Variants in GRK5 observed in about 807,000 individuals in gnomAD.
GRK5 encodes the protein g protein-coupled receptor kinase GRK5.
Under a neutral mutation model 78.4 loss-of-function variants are expected in GRK5, and 40 were observed. The ratio of observed to expected loss-of-function variants is 0.51; its 90% CI spans 0.40 to 0.66. GRK5 has a LOEUF of 0.66. Ranked by LOEUF, GRK5 falls within the 30% of genes least tolerant of loss-of-function variation. The pLI is 0.00. For missense variants in GRK5, 598 were observed against 759.9 expected, an observed-to-expected ratio of 0.79 and a Z score of 2.50; for synonymous variants, 289 against 296.8, an observed-to-expected ratio of 0.97 and a Z score of 0.27.
At position 119,442,066 on chromosome 10, in the gene GRK5, G is replaced by C. The variant is rs761732854; in HGVS notation, c.1035G>C (p.Arg345=). Residue 345 remains arginine, a synonymous_variant, in exon 11 of 16, where the codon CGG becomes CGC. Coordinates refer to ENST00000392870, the MANE Select transcript of GRK5 (RefSeq NM_005308.3). Reference sequence around the variant, plus strand: ...CCGAGGGAGACCTGATCCGCGGCCGGGTGGGCACTGTTGGCTACATGGGTG... The same window carrying C: ...CCGAGGGAGACCTGATCCGCGGCCGCGTGGGCACTGTTGGCTACATGGGTG... ...KIPEGDLIRG[R]VGTVGYMAPE... 5 of 1,613,848 alleles carry C rather than the reference G, an allele frequency of 3.1e-6. No homozygotes were observed. In the East Asian group the frequency reaches 6.7e-5, roughly 22 times the overall value.
rs981538372 is a variant in GRK5 at position 119,238,993 on chromosome 10, T to C, written c.52+31024T>C. 1.3e-5 allele frequency among the ~76,000 whole-genome samples: 2 copies of C among 152,056 alleles called. No individual in the cohort carries two copies. Among genetic ancestry groups the C allele is most frequent in the African/African-American group, 4.8e-5 (2 of 41,432 alleles). On this transcript the variant is annotated intron_variant, in intron 1 of 15. Transcript: ENST00000392870. The surrounding 1 kb of genome is among the most constrained non-coding windows in gnomAD (Gnocchi z 4.7). ...GTGATTTTTCATTTAATTATATATA[T>C]AGTTTTCTTTTTTGTAATCTAAATG...
At chr10:119,302,530 A>G (rs1850201474) in intron 1 of GRK5, among the ~76,000 whole-genome samples, 1 of 152,142 alleles carries the variant, frequency 6.6e-6, no homozygotes, top group African/African-American at 2.4e-5. Flanking sequence ...AGGGTGGAGG[A>G]TGGGGCTGGG....
intron 2 of GRK5, among the ~76,000 whole-genome samples, chr10:119,359,073 C>G (rs1023537403): frequency 5.9e-5 from 9 of 152,184 alleles, no homozygotes; most frequent in African/African-American, 2.2e-4. Flanking sequence ...GGGGACAACA[C>G]AGTTCAGTTC....
At chr10:119,377,483 T>C (rs903210263) in intron 2 of GRK5, among the ~76,000 whole-genome samples, 3 of 152,220 alleles carry the variant, frequency 2.0e-5, no homozygotes, top group African/African-American at 2.4e-5. Context: ...AATGAACCCA[T>C]TGATCTTGAT....
At chr10:119,444,401 G>A (rs1853102583) in intron 12 of GRK5, among the ~76,000 whole-genome samples, 1 of 152,126 alleles carries the variant, frequency 6.6e-6, no homozygotes, top group South Asian at 2.1e-4. Flanking sequence ...ATATGGGAGT[G>A]GAGTCCGCCC....
At chr10:119,311,899 G>A (rs1037270572) in intron 1 of GRK5, among the ~76,000 whole-genome samples, 5 of 148,688 alleles carry the variant, frequency 3.4e-5, no homozygotes, top group Middle Eastern at 3.5e-3. Flanking sequence ...TGTACTGAAT[G>A]CTACTGAATT....
chr10:119,343,538 G>C (rs889743995), intron 2 of GRK5, among the ~76,000 whole-genome samples: 63 of 152,266 alleles, frequency 4.1e-4, no homozygotes, highest in Non-Finnish European at 7.3e-5. Context: ...ACCTGGGCCT[G>C]AGTCGAGGCC....
chr10:119,263,215 C>T (rs1419986056), intron 1 of GRK5, among the ~76,000 whole-genome samples: 1 of 152,178 alleles, frequency 6.6e-6, no homozygotes, highest in East Asian at 1.9e-4. Context: ...CCATGTTGGC[C>T]AGGCTGGTCT....
At chr10:119,337,995 A>G (rs577243696) in intron 2 of GRK5, among the ~76,000 whole-genome samples, 4 of 152,100 alleles carry the variant, frequency 2.6e-5, no homozygotes, top group Non-Finnish European at 5.9e-5. Flanking sequence ...TTTTAACTTG[A>G]TTATCTCTGT....
At chr10:119,387,059 C>T (rs1851810324) in intron 3 of GRK5, among the ~76,000 whole-genome samples, 1 of 152,018 alleles carries the variant, frequency 6.6e-6, no homozygotes, top group Admixed American at 6.5e-5. Flanking sequence ...GGCTGGAGTG[C>T]AGTGGTGCGA....
intron 1 of GRK5, among the ~76,000 whole-genome samples, chr10:119,284,537 A>G (rs1849815212): frequency 6.6e-6 from 1 of 152,230 alleles, no homozygotes; most frequent in South Asian, 2.1e-4. Context: ...AAGCAGTTAC[A>G]ATCCAGTTTA....
In GRK5 at chr10:119,455,415, A is replaced by G. The variant is rs758471357; in HGVS notation, c.*348A>G. 1.0e-4 allele frequency: 47 copies of G among 458,776 alleles called. No homozygotes were observed. Among genetic ancestry groups the G allele is most frequent in the Non-Finnish European group, 1.8e-4 (43 of 243,408 alleles). 28.4% of individuals were successfully genotyped at this position (458,776 alleles called of 1,614,324 possible). ...AAAGAAAAGTTTTGTAAATTTCTCT[A>G]CTGTCTCAGTTTACATTTTGTATAT... is the stretch of plus-strand genomic sequence containing the variant. On this transcript the variant is annotated 3_prime_UTR_variant, in exon 16 of 16. Transcript: ENST00000392870.
chr10:119,210,611 T>C (rs954517659), intron 1 of GRK5, among the ~76,000 whole-genome samples: 1 of 152,222 alleles, frequency 6.6e-6, no homozygotes, highest in African/African-American at 2.4e-5. Flanking sequence ...ATTAAAAAAA[T>C]CTGAGTTGTT....
Position 119,411,056 on chromosome 10 carries a change from G to A in GRK5, c.340-12110G>A, listed in dbSNP as rs547092541. On this transcript the variant is annotated intron_variant, in intron 4 of 15. Coordinates refer to ENST00000392870, the MANE Select transcript of GRK5 (RefSeq NM_005308.3). ...GGGCACTCAGGGAACCCGTATGGCT[G>A]ATGGACCCCAGCTGAAGAAGCTTTC... Among the ~76,000 whole-genome samples, 18 of 151,878 alleles carry A rather than the reference G, an allele frequency of 1.2e-4. No individual in the cohort carries two copies. The South Asian group carries it at 3.6e-3, about 30-fold the overall frequency.
intron 1 of GRK5, among the ~76,000 whole-genome samples, chr10:119,244,901 T>C (rs573837725): frequency 6.6e-6 from 1 of 152,214 alleles, no homozygotes; most frequent in East Asian, 1.9e-4. Flanking sequence ...TCAGCTACTA[T>C]GGAAAATAGT....
chr10:119,415,223 G>A (rs1236059937), intron 4 of GRK5, among the ~76,000 whole-genome samples: 2 of 152,144 alleles, frequency 1.3e-5, no homozygotes, highest in African/African-American at 4.8e-5. Flanking sequence ...CTTAGATGTG[G>A]TTATGTCAGA....
chr10:119,241,821 A>G (rs1027792314), intron 1 of GRK5, among the ~76,000 whole-genome samples: 1 of 152,208 alleles, frequency 6.6e-6, no homozygotes, highest in Non-Finnish European at 1.5e-5. Flanking sequence ...AACAAGAGAA[A>G]AAATGGATTT....
chr10:119,348,587 CCTT>C (rs1851140326), intron 2 of GRK5, among the ~76,000 whole-genome samples: 1 of 152,184 alleles, frequency 6.6e-6, no homozygotes, highest in African/African-American at 2.4e-5. Flanking sequence ...ATGGGCATGT[CCTT>C]CTTCCAGGGC....
In GRK5 at chr10:119,443,634, C is replaced by G. The variant is rs746911797; in HGVS notation, c.1148C>G (p.Ser383Trp). Residue 383 changes from serine (S) to tryptophan (W), a missense_variant, in exon 12 of 16, where the codon TCG (serine) becomes TGG (tryptophan). By Grantham distance (177) the Ser-to-Trp change is radical (BLOSUM62 -3). Transcript: ENST00000392870. Reference sequence around the variant, plus strand: ...ATCTATGAGATGATCGAGGGCCAGTCGCCGTTCCGCGGCCGCAAGGAGAAG... The same window carrying G: ...ATCTATGAGATGATCGAGGGCCAGTGGCCGTTCCGCGGCCGCAAGGAGAAG... ...CLIYEMIEGQ[S>W]PFRGRKEKVK... 1 of 1,613,444 alleles carries G rather than the reference C, an allele frequency of 6.2e-7. No homozygotes were observed.
Sources: allele counts gnomAD v4.1 joint callset (sites outside exome capture counted in the v4.1 genomes callset), GRCh38; gene constraint gnomAD v4.1.1; non-coding constraint Gnocchi (gnomAD v3.1); transcripts MANE v1.5; gene names NCBI Gene and HGNC (gene_info 2026-07-23, HGNC 2026-07-21).